EPS15L1: variants seen among roughly 807,000 people sequenced by gnomAD.
EPS15L1 encodes the protein epidermal growth factor receptor pathway substrate 15 like 1.
A neutral mutation model predicts 117.1 loss-of-function variants in EPS15L1; 43 were observed. The observed-to-expected ratio is 0.37, with a 90% CI of 0.29 to 0.47. EPS15L1 has a LOEUF of 0.47. Ranked by LOEUF, EPS15L1 falls within the 20% of genes least tolerant of loss-of-function variation. The pLI is 0.99. For missense variants in EPS15L1, 981 were observed against 1,164.0 expected, an observed-to-expected ratio of 0.84 and a Z score of 2.29; for synonymous variants, 459 against 470.5, an observed-to-expected ratio of 0.98 and a Z score of 0.32.
intron 1 of EPS15L1, among the ~76,000 whole-genome samples, chr19:16,449,433 C>T (rs1244149643): frequency 6.6e-6 from 1 of 152,102 alleles, no homozygotes; most frequent in Non-Finnish European, 1.5e-5. Flanking sequence ...CAGTGAGATG[C>T]CACTGCACGC....
chr19:16,466,034 G>C (rs1599699513), intron 1 of EPS15L1, among the ~76,000 whole-genome samples: 1 of 148,906 alleles, frequency 6.7e-6, no homozygotes, highest in South Asian at 2.1e-4. Flanking sequence ...TGTCACCCAG[G>C]CTGGAGTACA....
At chr19:16,442,742 C>T (rs1476309052) in intron 1 of EPS15L1, among the ~76,000 whole-genome samples, 2 of 152,246 alleles carry the variant, frequency 1.3e-5, no homozygotes, top group Non-Finnish European at 2.9e-5. Context: ...GACCAGCCCG[C>T]GCCCGGAGAG....
chr19:16,456,960 G>T (rs2093203378), intron 1 of EPS15L1, among the ~76,000 whole-genome samples: 1 of 152,080 alleles, frequency 6.6e-6, no homozygotes, highest in African/African-American at 2.4e-5. Flanking sequence ...CAGAACATGG[G>T]GAGGGGGTGC....
At chr19:16,386,145 G>A (rs368429201) in intron 20 of EPS15L1, 26 bp downstream of exon 20, 8 of 1,576,850 alleles carry the variant, frequency 5.1e-6, no homozygotes, top group Admixed American at 3.3e-5. Context: ...GAATAGTCAG[G>A]AAGAAAAATA....
intron 18 of EPS15L1, among the ~76,000 whole-genome samples, chr19:16,393,648 C>CAAAA (rs919891560): frequency 1.2e-5 from 1 of 81,596 alleles, no homozygotes; most frequent in African/African-American, 4.5e-5. Flanking sequence ...GACTCCGTCT[C>CAAAA]AAAAAAAAAA....
chr19:16,385,995 G>A (rs1190988253), intron 20 of EPS15L1, among the ~76,000 whole-genome samples, 176 bp downstream of exon 20: 1 of 152,224 alleles, frequency 6.6e-6, no homozygotes, highest in Non-Finnish European at 1.5e-5. Flanking sequence ...CCAGGAAGGG[G>A]AGCAGCAGCG....
chr19:16,407,345 A>ACC (rs71334618), intron 13 of EPS15L1, among the ~76,000 whole-genome samples: 1 of 151,448 alleles, frequency 6.6e-6, no homozygotes. Flanking sequence ...TCACTCTAAC[A>ACC]CCCAGGCTGG....
chr19:16,402,648 C>T (rs910190553), intron 15 of EPS15L1, among the ~76,000 whole-genome samples, 163 bp from the exon 16 acceptor site: 3 of 151,954 alleles, frequency 2.0e-5, no homozygotes, highest in Non-Finnish European at 4.4e-5. Context: ...CTCAGGAGCT[C>T]CTCCTGCCTC....
At chr19:16,409,937 CAAAAAAA>C (rs140859526) in intron 13 of EPS15L1, among the ~76,000 whole-genome samples, 7 of 45,046 alleles carry the variant, frequency 1.6e-4, no homozygotes, top group South Asian at 9.2e-4. Context: ...GACTCTGTCT[CAAAAAAA>C]AAAAAAAAAA....
chr19:16,382,053 G>C (rs138161259), intron 21 of EPS15L1, among the ~76,000 whole-genome samples: 138 of 152,366 alleles, frequency 9.1e-4, no homozygotes, highest in Non-Finnish European at 1.8e-3. Flanking sequence ...GTCCAAAGTT[G>C]TAAGACCTGG....
At position 16,403,922 on chromosome 19, in the gene EPS15L1, T is replaced by C; in HGVS notation, c.1437A>G (p.Ser479=). The change falls in exon 15 of 24, where the codon TCA becomes TCG. Residue 479 remains serine (S), a synonymous_variant. Coordinates refer to ENST00000455140, the MANE Select transcript of EPS15L1 (RefSeq NM_001258374.3). ...CCTGAGATTGGATTTGCGTTTTCAGTGATGAGATCTGAAATGAGATGTTAA... is the reference window on the plus strand; with the variant it reads ...CCTGAGATTGGATTTGCGTTTTCAGCGATGAGATCTGAAATGAGATGTTAA... The part of the protein sequence containing the change: ...KCQDETQMIS[S]LKTQIQSQES... 6.2e-7 allele frequency: 1 copy of C among 1,613,346 alleles called. No homozygotes were observed. The highest frequency in any genetic ancestry group is 8.5e-7 in the Non-Finnish European group (1 of 1,179,434).
At chr19:16,465,710 C>G (rs749917980) in intron 1 of EPS15L1, among the ~76,000 whole-genome samples, 2 of 152,004 alleles carry the variant, frequency 1.3e-5, no homozygotes, top group African/African-American at 4.8e-5. Flanking sequence ...AATAAGCAGG[C>G]CTTTCCATGT....
At chr19:16,415,944 C>T (rs115911123) in intron 12 of EPS15L1, among the ~76,000 whole-genome samples, 1,782 of 152,320 alleles carry the variant, frequency 0.012, 35 homozygotes, top group African/African-American at 0.041. Flanking sequence ...CCTTGCTGAT[C>T]GCCAGTTTGG....
chr19:16,356,977 C>A (rs540711242), intron 23 of EPS15L1: 1 of 152,422 alleles, frequency 6.6e-6, no homozygotes, highest in East Asian at 1.9e-4. Flanking sequence ...CTGCTCAACA[C>A]TGGAGTAACA....
rs948112888 is a variant in EPS15L1 at position 16,471,611 on chromosome 19, C to A, written c.33+302G>T. On this transcript the variant is annotated intron_variant, in intron 1 of 23. Coordinates refer to ENST00000455140, the MANE Select transcript of EPS15L1 (RefSeq NM_001258374.3). The surrounding 1 kb of genome is among the most constrained non-coding windows in gnomAD (Gnocchi z 4.8). Reference sequence around the variant, plus strand: ...CCCACCCCTCCGGGATGCAGCCCAGCGCCTCCGCGGGTCCCCGGCCTGGGA... The same window carrying A: ...CCCACCCCTCCGGGATGCAGCCCAGAGCCTCCGCGGGTCCCCGGCCTGGGA... Among the ~76,000 whole-genome samples, 17 of 152,172 alleles carry A rather than the reference C, an allele frequency of 1.1e-4. No homozygotes were observed. Among genetic ancestry groups the A allele is most frequent in the Non-Finnish European group, 1.9e-4 (13 of 68,018 alleles).
chr19:16,456,890 T>C (rs1486193568), intron 1 of EPS15L1, among the ~76,000 whole-genome samples: 3 of 151,924 alleles, frequency 2.0e-5, no homozygotes, highest in Admixed American at 2.0e-4. Flanking sequence ...GGCATGTGCA[T>C]AGGATGCCAG....
chr19:16,379,468 C>T (rs931513330), intron 21 of EPS15L1, among the ~76,000 whole-genome samples: 7 of 152,170 alleles, frequency 4.6e-5, no homozygotes, highest in African/African-American at 1.7e-4. Context: ...AGGCACACTC[C>T]CAGGGTTTCC....
intron 9 of EPS15L1, among the ~76,000 whole-genome samples, chr19:16,422,643 G>C (rs1223664178): frequency 6.6e-6 from 1 of 152,134 alleles, no homozygotes; most frequent in Non-Finnish European, 1.5e-5. Context: ...GCCACTCAAA[G>C]TCATTCCTCT....
chr19:16,368,950 G>C (rs2092180356), intron 22 of EPS15L1, among the ~76,000 whole-genome samples: 1 of 152,222 alleles, frequency 6.6e-6, no homozygotes, highest in Non-Finnish European at 1.5e-5. Flanking sequence ...CTCATCCAAG[G>C]CCACTGACAT....
Sources: allele counts gnomAD v4.1 joint callset (sites outside exome capture counted in the v4.1 genomes callset), GRCh38; gene constraint gnomAD v4.1.1; non-coding constraint Gnocchi (gnomAD v3.1); transcripts MANE v1.5; gene names NCBI Gene and HGNC (gene_info 2026-07-23, HGNC 2026-07-21).